The following KAZN variants were observed in gnomAD, a reference collection of about 807,000 sequenced individuals.
KAZN encodes the protein kazrin.
KAZN carries 40 observed loss-of-function variants against 87.4 expected under a neutral mutation model. That is an observed-to-expected ratio of 0.46 (90% CI 0.36 to 0.60). KAZN has a LOEUF of 0.60. Among genes scored for constraint, KAZN ranks in the 20% least tolerant of loss-of-function variants. The pLI is 0.00. For synonymous variants in KAZN, 466 were observed against 458.3 expected (o/e 1.02, Z -0.22); for missense variants, 898 against 1,073.9 (o/e 0.84, Z 2.29).
intron 1 of KAZN, among the ~76,000 whole-genome samples, chr1:14,698,678 C>T (rs1215497236): frequency 2.0e-5 from 3 of 152,202 alleles, no homozygotes; most frequent in Non-Finnish European, 4.4e-5. Flanking sequence ...CTTTGTGTAA[C>T]GTCTACCTCT....
At chr1:14,741,797 A>G (rs1342506005) in intron 1 of KAZN, among the ~76,000 whole-genome samples, 1 of 152,182 alleles carries the variant, frequency 6.6e-6, no homozygotes, top group Non-Finnish European at 1.5e-5. Flanking sequence ...AACAATAGCA[A>G]ACTCTGATAA....
chr1:13,991,037 A>G lies in KAZN; in HGVS notation c.91+97281A>G, dbSNP rs539679867. Among the ~76,000 whole-genome samples, 108 of 152,262 alleles carry G rather than the reference A, an allele frequency of 7.1e-4. 1 individual carries two copies. The highest frequency in any genetic ancestry group is 1.1e-3 in the Non-Finnish European group (76 of 68,022). On this transcript the variant is annotated intron_variant, in intron 1 of 16. Transcript: ENST00000636203. ...ACATGTAGATATGGGTTTTGATAGC[A>G]ATAAAGAAGCAAAGACAGGAAAGAA...
At chr1:14,688,090 T>C (rs1641064397) in intron 1 of KAZN, among the ~76,000 whole-genome samples, 1 of 152,152 alleles carries the variant, frequency 6.6e-6, no homozygotes, top group Admixed American at 6.6e-5. Context: ...CCTAGACGTC[T>C]CTACTCCTGG....
At chr1:14,760,620 A>G (rs958129956) in intron 1 of KAZN, among the ~76,000 whole-genome samples, 1 of 152,138 alleles carries the variant, frequency 6.6e-6, no homozygotes, top group Non-Finnish European at 1.5e-5. Context: ...ATATCAATCC[A>G]ATATGTAAGA....
rs111298339 is a variant in KAZN, at chr1:14,838,325, T to A, written c.227-122359T>A. Among the ~76,000 whole-genome samples the A allele has an allele frequency of 1.5e-3, 236 of 152,354 alleles. 2 individuals carry two copies. Among genetic ancestry groups the A allele is most frequent in the Non-Finnish European group, 2.7e-3 (185 of 68,034 alleles). On this transcript the variant is annotated intron_variant, in intron 1 of 14. Coordinates refer to ENST00000376030, the MANE Select transcript of KAZN (RefSeq NM_201628.3). ...TTGATAAGTTTCAACATATGAAATT[T>A]AAGATCATAGCAGCACGTCTGAATG... is the stretch of plus-strand genomic sequence containing the variant.
intron 1 of KAZN, among the ~76,000 whole-genome samples, chr1:13,971,746 A>G (rs1255722238): frequency 2.0e-5 from 3 of 152,164 alleles, no homozygotes; most frequent in African/African-American, 7.2e-5. Flanking sequence ...TGATTGAATC[A>G]TGGGTGTGCA....
intron 2 of KAZN, among the ~76,000 whole-genome samples, chr1:14,292,880 T>C (rs1653824298): frequency 6.6e-6 from 1 of 152,182 alleles, no homozygotes; most frequent in Non-Finnish European, 1.5e-5. Context: ...AATGTGAAGA[T>C]TCTTAGTAAA....
At chr1:13,935,356 A>G (rs879462799) in intron 1 of KAZN, among the ~76,000 whole-genome samples, 17 of 152,192 alleles carry the variant, frequency 1.1e-4, no homozygotes, top group Non-Finnish European at 2.1e-4. Context: ...TCATTTTATG[A>G]TGCAGAAAGT....
chr1:14,375,399 G>C (rs1660816316), intron 2 of KAZN, among the ~76,000 whole-genome samples: 1 of 152,094 alleles, frequency 6.6e-6, no homozygotes, highest in South Asian at 2.1e-4. Flanking sequence ...TCTCACCCAA[G>C]CCCGAGATAA....
At position 14,363,984 on chromosome 1, in the gene KAZN, T is replaced by A. The variant is rs984251534; in HGVS notation, c.249+183392T>A. Among the ~76,000 whole-genome samples, 92 of 136,296 alleles carry A rather than the reference T, an allele frequency of 6.8e-4. 1 individual carries two copies. Among genetic ancestry groups the A allele is most frequent in the Non-Finnish European group, 1.1e-3 (70 of 60,888 alleles). 89.4% of individuals were successfully genotyped at this position (136,296 alleles called of 152,430 possible). On this transcript the variant is annotated intron_variant, in intron 2 of 16. Transcript: ENST00000636203. Reference sequence around the variant, plus strand: ...CTCACAATATTTTTTTTTTTTTTTTTAATTTGGAAGAGAGAGATATAGCAG... The same window carrying A: ...CTCACAATATTTTTTTTTTTTTTTTAAATTTGGAAGAGAGAGATATAGCAG...
At chr1:14,761,814 G>A (rs1381435184) in intron 1 of KAZN, among the ~76,000 whole-genome samples, 2 of 151,742 alleles carry the variant, frequency 1.3e-5, no homozygotes, top group Admixed American at 6.6e-5. Context: ...GGAAGGTGCT[G>A]TCTGAACGTG....
intron 1 of KAZN, among the ~76,000 whole-genome samples, chr1:14,118,971 G>A (rs542966440): frequency 6.6e-6 from 1 of 152,234 alleles, no homozygotes; most frequent in South Asian, 2.1e-4. Flanking sequence ...AGATTTGCCA[G>A]GATATCCAGA....
intron 1 of KAZN, among the ~76,000 whole-genome samples, chr1:14,647,187 T>A (rs114545290): frequency 3.2e-4 from 48 of 152,296 alleles, no homozygotes; most frequent in African/African-American, 1.1e-3. Flanking sequence ...TTAATAATCA[T>A]ACCCCGGGGC....
intron 2 of KAZN, among the ~76,000 whole-genome samples, chr1:14,398,282 A>G (rs1454865691): frequency 6.6e-6 from 1 of 152,250 alleles, no homozygotes; most frequent in African/African-American, 2.4e-5. Flanking sequence ...AGATATAGTG[A>G]TTAAAAGTGT....
chr1:14,050,801 T>A (rs1642296701), intron 1 of KAZN, among the ~76,000 whole-genome samples: 2 of 152,130 alleles, frequency 1.3e-5, no homozygotes, highest in Admixed American at 1.3e-4. Context: ...ACCCGGCCCA[T>A]CCTCTGAGAG....
intron 1 of KAZN, among the ~76,000 whole-genome samples, chr1:14,804,814 G>A (rs1167816926): frequency 6.6e-6 from 1 of 152,018 alleles, no homozygotes; most frequent in East Asian, 1.9e-4. Context: ...GCCAGGCTAG[G>A]AATGGTGCCT....
intron 2 of KAZN, among the ~76,000 whole-genome samples, chr1:14,448,113 G>A (rs1314036449): frequency 6.6e-6 from 1 of 152,216 alleles, no homozygotes; most frequent in Admixed American, 6.5e-5. Context: ...TGACTGAATA[G>A]CAGCCATGCG....
chr1:14,974,594 T>C (rs1665413003), intron 2 of KAZN, among the ~76,000 whole-genome samples: 1 of 152,014 alleles, frequency 6.6e-6, no homozygotes, highest in African/African-American at 2.4e-5. Flanking sequence ...GATAAAAAAA[T>C]AAACAAACTG....
intron 1 of KAZN, among the ~76,000 whole-genome samples, chr1:14,010,538 T>C (rs1570518515): frequency 6.6e-6 from 1 of 152,310 alleles, no homozygotes; most frequent in African/African-American, 2.4e-5. Context: ...TTGCAATCCT[T>C]TGCAGCCAAA....
Sources: gnomAD v4.1 joint callset for allele counts (sites outside exome capture counted in the v4.1 genomes callset) on GRCh38, gnomAD v4.1.1 for gene constraint, MANE v1.5 for transcripts, NCBI Gene and HGNC (gene_info 2026-07-23, HGNC 2026-07-21) for gene names.